Variants in GOLM1 observed in about 807,000 individuals in gnomAD.
GOLM1 encodes epididymis luminal protein 46.
A neutral mutation model predicts 50.5 loss-of-function variants in GOLM1; 31 were observed. The observed-to-expected ratio is 0.61, with a 90% CI of 0.46 to 0.83. The LOEUF (loss-of-function observed/expected upper bound fraction) is 0.83. GOLM1 is among the 40% of genes least tolerant of loss of function. The probability of loss-of-function intolerance (pLI) is 0.00; values close to 1 mark genes in which losing one functional copy is unlikely to be tolerated. For synonymous variants in GOLM1, 178 were observed against 192.8 expected (o/e 0.92, Z 0.64); for missense variants, 491 against 501.3 (o/e 0.98, Z 0.20).
At chr9:86,098,984 C>A (rs1407208732) in intron 1 of GOLM1, among the ~76,000 whole-genome samples, 1 of 152,186 alleles carries the variant, frequency 6.6e-6, no homozygotes, top group Non-Finnish European at 1.5e-5. Flanking sequence ...GCGGCTCGGC[C>A]AGCCTCCCGC....
intron 3 of GOLM1, among the ~76,000 whole-genome samples, chr9:86,053,292 ACC>A: frequency 7.4e-6 from 1 of 134,878 alleles, no homozygotes; most frequent in East Asian, 2.3e-4. Context: ...ACCATTCCAC[ACC>A]ACACACCACA....
At chr9:86,042,495 C>T (rs543955142) in intron 5 of GOLM1, among the ~76,000 whole-genome samples, 117 of 125,808 alleles carry the variant, frequency 9.3e-4, no homozygotes, top group African/African-American at 2.9e-3. Context: ...CAATGTACCA[C>T]ACACAGAGAA....
In GOLM1 at chr9:86,085,368, C is replaced by T. The variant is rs540710100; in HGVS notation, c.-21-6027G>A. Among the ~76,000 whole-genome samples, 4 of 151,438 alleles carry T rather than the reference C, an allele frequency of 2.6e-5. No individual in the cohort carries two copies. The South Asian group carries it at 8.3e-4, about 32-fold the overall frequency. On this transcript the variant is annotated intron_variant, in intron 1 of 9. Coordinates refer to ENST00000388712, the MANE Select transcript of GOLM1 (RefSeq NM_016548.4). ...AAGCTCTTTGTCTATTAAAGGTAAA[C>T]CAATCTTTGGTCCTTCATTTGAATA...
intron 3 of GOLM1, among the ~76,000 whole-genome samples, chr9:86,058,328 A>C (rs760187184): frequency 6.6e-6 from 1 of 152,244 alleles, no homozygotes; most frequent in Non-Finnish European, 1.5e-5. Flanking sequence ...CAATATGTAC[A>C]TGAAAGATGC....
At chr9:86,072,811 C>T (rs1193431613) in intron 3 of GOLM1, among the ~76,000 whole-genome samples, 1 of 152,200 alleles carries the variant, frequency 6.6e-6, no homozygotes, top group Admixed American at 6.5e-5. Context: ...GCCTACTGTA[C>T]ACCTAGGCTG....
chr9:86,079,302 C>A lies in GOLM1; in HGVS notation c.19G>T (p.Gly7Trp). 6.3e-7 allele frequency: 1 copy of A among 1,598,190 alleles called. No homozygotes were observed. Among genetic ancestry groups the A allele is most frequent in the South Asian group, 1.1e-5 (1 of 89,718 alleles). Reference sequence around the variant, plus strand: ...GGCGGCGACTTCATGCTGCGACGCCCGTTTCCCAAGCCCATCATCTCAAAA... The same window carrying A: ...GGCGGCGACTTCATGCTGCGACGCCAGTTTCCCAAGCCCATCATCTCAAAA... Reference protein sequence around the residue: MMGLGNGRRSMKSPPLV... With the variant: MMGLGNWRRSMKSPPLV... The change falls in exon 2 of 10, where the codon GGG (glycine) becomes TGG (tryptophan). Residue 7 changes from glycine to tryptophan, a missense_variant. Physicochemically the swap from Gly to Trp is radical, Grantham distance 184 (BLOSUM62 -2). Transcript: ENST00000388712.
rs73476980 is a variant in GOLM1 at position 86,041,467 on chromosome 9, C to T, written c.468-599G>A. On this transcript the variant is annotated intron_variant, in intron 5 of 9. Coordinates refer to ENST00000388712, the MANE Select transcript of GOLM1 (RefSeq NM_016548.4). ...CTACATAAAACACTCAGACAAACTC[C>T]GGACCAGAAGGCTTGGGGAGCTTTC... 8.4e-3 allele frequency among the ~76,000 whole-genome samples: 1,273 copies of T among 152,280 alleles called. 24 individuals are homozygous for T. The highest frequency in any genetic ancestry group is 0.029 in the African/African-American group (1,225 of 41,558).
At chr9:86,095,217 ATAGTT>A (rs1835320660) in intron 1 of GOLM1, among the ~76,000 whole-genome samples, 1 of 152,024 alleles carries the variant, frequency 6.6e-6, no homozygotes, top group Admixed American at 6.6e-5. Context: ...CAAATTAAGA[ATAGTT>A]TTTACATTTT....
At position 86,071,571 on chromosome 9, in the gene GOLM1, C is replaced by T. The variant is rs190857287; in HGVS notation, c.309+5841G>A. Among the ~76,000 whole-genome samples, 151 of 151,662 alleles carry T rather than the reference C, an allele frequency of 1.0e-3. 2 individuals carry two copies. The East Asian group carries it at 0.024, about 24-fold the overall frequency. ...GTGCAGGTCTGTAATCCCAGCTACT[C>T]GGGAGGCTGTGAGAAACGCTGTGAG... On this transcript the variant is annotated intron_variant, in intron 3 of 9. Coordinates refer to ENST00000388712, the MANE Select transcript of GOLM1 (RefSeq NM_016548.4).
intron 3 of GOLM1, among the ~76,000 whole-genome samples, chr9:86,064,296 GACAA>G (rs1367618422): frequency 6.6e-6 from 1 of 152,204 alleles, no homozygotes. Context: ...AGTCTTCTGA[GACAA>G]ACACTTTTAT....
chr9:86,082,025 C>CTTTTTTT lies in GOLM1; in HGVS notation c.-21-2691_-21-2685dup, dbSNP rs35208119. On this transcript the variant is annotated intron_variant, in intron 1 of 9. Coordinates refer to ENST00000388712, the MANE Select transcript of GOLM1 (RefSeq NM_016548.4). Reference sequence around the variant, plus strand: ...AGGGGCATCAGCATCACCTGGGACACTTTTTTTTTTTTTTTTTTTTTGAGA... The same window carrying CTTTTTTT: ...AGGGGCATCAGCATCACCTGGGACACTTTTTTTTTTTTTTTTTTTTTTTTTTTTGAGA... Among the ~76,000 whole-genome samples the CTTTTTTT allele has an allele frequency of 1.4e-4, 12 of 84,516 alleles. 3 individuals carry two copies. Among genetic ancestry groups the CTTTTTTT allele is most frequent in the Non-Finnish European group, 2.0e-4 (9 of 45,794 alleles). The allele number at this position is 84,516 out of a possible 152,430, so 55.4% of individuals were successfully genotyped here. A position where few individuals can be genotyped will look rare whatever the true frequency, so the allele number is the denominator to read the frequency against.
intron 9 of GOLM1, among the ~76,000 whole-genome samples, chr9:86,032,087 G>GT (rs1833005293): frequency 6.6e-6 from 1 of 152,062 alleles, no homozygotes; most frequent in Non-Finnish European, 1.5e-5. Flanking sequence ...ACAGAGACCA[G>GT]GCGAACTCAC....
chr9:86,053,489 C>T (rs1366090286), intron 3 of GOLM1, among the ~76,000 whole-genome samples: 1 of 42,536 alleles, frequency 2.4e-5, no homozygotes, highest in Non-Finnish European at 4.5e-5. Flanking sequence ...CCACACACAT[C>T]ACATACCACA....
At chr9:86,086,771 G>A (rs1301270402) in intron 1 of GOLM1, among the ~76,000 whole-genome samples, 2 of 152,136 alleles carry the variant, frequency 1.3e-5, no homozygotes, top group Non-Finnish European at 2.9e-5. Flanking sequence ...GTAGATGTGT[G>A]GCATTCTTTC....
intron 3 of GOLM1, among the ~76,000 whole-genome samples, chr9:86,066,817 C>T (rs1027285015): frequency 6.6e-6 from 1 of 152,180 alleles, no homozygotes; most frequent in African/African-American, 2.4e-5. Context: ...CTTCCCCAAG[C>T]ATTTCAGAGG....
rs374986176 is a variant in GOLM1, at chr9:86,079,299, G to A, written c.22C>T (p.Arg8Cys). MMGLGNG[R>C]RSMKSPPLVL... ...AGGGGCGGCGACTTCATGCTGCGAC[G>A]CCCGTTTCCCAAGCCCATCATCTCA... The change falls in exon 2 of 10, where the codon CGT becomes TGT. Residue 8 changes from arginine (R) to cysteine (C), a missense_variant. Transcript: ENST00000388712. 8.7e-6 allele frequency: 14 copies of A among 1,600,592 alleles called. No individual in the cohort carries two copies. In the East Asian group the frequency reaches 1.6e-4, roughly 18 times the overall value.
intron 3 of GOLM1, among the ~76,000 whole-genome samples, chr9:86,061,508 C>T (rs897724567): frequency 1.3e-5 from 2 of 152,058 alleles, no homozygotes; most frequent in Admixed American, 6.6e-5. Flanking sequence ...AAAAGAAAAA[C>T]GAGTAACAGA....
At chr9:86,042,425 G>GTAC (rs10651419) in intron 5 of GOLM1, among the ~76,000 whole-genome samples, 23,709 of 151,960 alleles carry the variant, frequency 0.16, 1,886 homozygotes, top group Non-Finnish European at 0.17. Flanking sequence ...ATGTGAGTGA[G>GTAC]TACTACATCA....
chr9:86,027,340 A>G lies in GOLM1; in HGVS notation c.*477T>C. The G allele has an allele frequency of 1.0e-6, 1 of 987,644 alleles. No individual in the cohort carries two copies. Among genetic ancestry groups the G allele is most frequent in the African/African-American group, 1.7e-5 (1 of 57,382 alleles). 61.2% of individuals were successfully genotyped at this position (987,644 alleles called of 1,614,324 possible). ...GATTGTCAGAATCAGAAGTGACTACACAAGAGCATTAGCCAGACTTTTCAG... is the reference window on the plus strand; with the variant it reads ...GATTGTCAGAATCAGAAGTGACTACGCAAGAGCATTAGCCAGACTTTTCAG... On this transcript the variant is annotated 3_prime_UTR_variant, in exon 10 of 10. Transcript: ENST00000388712.
Sources: allele counts gnomAD v4.1 joint callset (sites outside exome capture counted in the v4.1 genomes callset), GRCh38; gene constraint gnomAD v4.1.1; transcripts MANE v1.5; gene names NCBI Gene and HGNC (gene_info 2026-07-23, HGNC 2026-07-21).